The following SNX29 variants were observed in gnomAD, a reference collection of about 807,000 sequenced individuals.
The protein encoded by SNX29 is sorting nexin 29.
In SNX29, 78 loss-of-function variants were observed where a neutral mutation model predicts 102.1. That is an observed-to-expected ratio of 0.76 (90% CI 0.64 to 0.92). The LOEUF (loss-of-function observed/expected upper bound fraction) is 0.92. Ranked by LOEUF, SNX29 falls within the 40% of genes least tolerant of loss-of-function variation. SNX29 has a pLI of 0.00. For synonymous variants in SNX29, 580 were observed against 414.5 expected, an observed-to-expected ratio of 1.40 and a Z score of -4.85; for missense variants, 1,280 against 1,061.7, an observed-to-expected ratio of 1.21 and a Z score of -2.86.
At chr16:12,540,743 C>T (rs2077296355) in intron 20 of SNX29, among the ~76,000 whole-genome samples, 1 of 152,198 alleles carries the variant, frequency 6.6e-6, no homozygotes, top group African/African-American at 2.4e-5. Context: ...ATCCTTGGGG[C>T]ACCATTGATC....
intron 14 of SNX29, among the ~76,000 whole-genome samples, chr16:12,200,518 T>C (rs931035877): frequency 6.6e-6 from 1 of 151,450 alleles, no homozygotes; most frequent in Non-Finnish European, 1.5e-5. Context: ...AGCCTCACTC[T>C]ACCGCCCAGG....
chr16:12,540,813 G>C (rs967860824), intron 20 of SNX29, among the ~76,000 whole-genome samples: 3 of 152,184 alleles, frequency 2.0e-5, no homozygotes, highest in Non-Finnish European at 2.9e-5. Flanking sequence ...TGAGGCATGA[G>C]AGAAGGGGCA....
At chr16:12,563,640 G>A (rs1216250995) in intron 20 of SNX29, among the ~76,000 whole-genome samples, 6 of 152,288 alleles carry the variant, frequency 3.9e-5, no homozygotes, top group African/African-American at 1.2e-4. Flanking sequence ...GGCCCCAGAA[G>A]GTAGGAACTG....
rs190315561 is a variant in SNX29, at chr16:12,462,931, C to T, written c.2038-14788C>T. Among the ~76,000 whole-genome samples, 9 of 152,316 alleles carry T rather than the reference C, an allele frequency of 5.9e-5. No individual in the cohort carries two copies. The South Asian group carries it at 1.9e-3, about 32-fold the overall frequency. ...GATGAAGTCATACTTCCTTTTACAT[C>T]CCCCTGCTATGATCGCTGGATCCCC... is the stretch of plus-strand genomic sequence containing the variant. On this transcript the variant is annotated intron_variant, in intron 18 of 20. Coordinates refer to ENST00000566228, the MANE Select transcript of SNX29 (RefSeq NM_032167.5).
At chr16:12,006,448 G>A (rs1331048805) in intron 3 of SNX29, among the ~76,000 whole-genome samples, 5 of 151,140 alleles carry the variant, frequency 3.3e-5, no homozygotes, top group African/African-American at 9.7e-5. Context: ...CCCAGGAGGC[G>A]GAGGTTTTGG....
intron 19 of SNX29, among the ~76,000 whole-genome samples, chr16:12,484,357 T>C (rs1370810757): frequency 6.6e-6 from 1 of 152,214 alleles, no homozygotes; most frequent in Admixed American, 6.5e-5. Flanking sequence ...CACCGCAGTG[T>C]GGACACCTGC....
intron 20 of SNX29, among the ~76,000 whole-genome samples, chr16:12,545,788 A>C (rs931746265): frequency 6.6e-5 from 10 of 151,982 alleles, no homozygotes; most frequent in African/African-American, 2.4e-4. Context: ...ACCTTTCACC[A>C]CTAGGCATAC....
intron 19 of SNX29, among the ~76,000 whole-genome samples, chr16:12,516,098 C>G (rs2089853211): frequency 6.6e-6 from 1 of 152,162 alleles, no homozygotes; most frequent in Admixed American, 6.5e-5. Context: ...CAGCCGATGG[C>G]TCTCGTCTAA....
At chr16:12,518,010 G>A (rs1018082407) in intron 19 of SNX29, among the ~76,000 whole-genome samples, 1 of 152,258 alleles carries the variant, frequency 6.6e-6, no homozygotes, top group African/African-American at 2.4e-5. Flanking sequence ...GGAGGTACTG[G>A]GGAGAAGGTG....
rs56358290 is a variant in SNX29 at position 12,355,843 on chromosome 16, TAAAAAAAAAAAAAAA to T, written c.1783-301_1783-287del. ...TGACCTTGACAGAGCGAGATCTTAT[TAAAAAAAAAAAAAAA>T]AAAAAAAAAAAAAAAAAAGAGAGAG... On this transcript the variant is annotated intron_variant, in intron 15 of 20. Transcript: ENST00000566228. Among the ~76,000 whole-genome samples, 26 of 85,572 alleles carry T rather than the reference TAAAAAAAAAAAAAAA, an allele frequency of 3.0e-4. No individual in the cohort carries two copies. The South Asian group carries it at 7.5e-3, about 25-fold the overall frequency. 56.1% of individuals were successfully genotyped at this position (85,572 alleles called of 152,430 possible).
chr16:12,572,594 T>A lies in SNX29; in HGVS notation c.*3965T>A. The A allele has an allele frequency of 2.8e-6, 3 of 1,064,210 alleles. No homozygotes were observed. Among genetic ancestry groups the A allele is most frequent in the Non-Finnish European group, 3.4e-6 (3 of 878,532 alleles). 65.9% of individuals were successfully genotyped at this position (1,064,210 alleles called of 1,614,324 possible). ...CCAGCCATGTTCTCTGGGCTCCCAG[T>A]GAGCCCCCTCCCCTCCGGCTACCCC... On this transcript the variant is annotated 3_prime_UTR_variant, in exon 21 of 21. Coordinates refer to ENST00000566228, the MANE Select transcript of SNX29 (RefSeq NM_032167.5).
chr16:12,502,501 C>T (rs149719196), intron 19 of SNX29, among the ~76,000 whole-genome samples: 1 of 151,954 alleles, frequency 6.6e-6, no homozygotes, highest in Non-Finnish European at 1.5e-5. Context: ...TGAATGCCAC[C>T]CCCCAACTCT....
intron 4 of SNX29, among the ~76,000 whole-genome samples, chr16:12,033,003 C>T (rs574692946): frequency 6.6e-5 from 10 of 151,850 alleles, no homozygotes; most frequent in East Asian, 3.9e-4. Flanking sequence ...TACAGGCGTG[C>T]GCCACCATGC....
At chr16:11,980,123 T>C (rs1010201102) in intron 1 of SNX29, among the ~76,000 whole-genome samples, 13 of 152,184 alleles carry the variant, frequency 8.5e-5, no homozygotes, top group Non-Finnish European at 1.5e-4. Context: ...CACAACATTT[T>C]AATTACCTTA....
chr16:12,159,694 T>C (rs1412087091), intron 13 of SNX29, among the ~76,000 whole-genome samples: 1 of 152,166 alleles, frequency 6.6e-6, no homozygotes, highest in Non-Finnish European at 1.5e-5. Context: ...ACCCTGTCTC[T>C]ATTAAAAATA....
At chr16:12,434,806 A>G (rs2085463606) in intron 18 of SNX29, among the ~76,000 whole-genome samples, 1 of 151,988 alleles carries the variant, frequency 6.6e-6, no homozygotes, top group African/African-American at 2.4e-5. Context: ...GAAAGGCTAG[A>G]ACGGGGGGAT....
At chr16:12,133,093 G>C (rs1420087698) in intron 13 of SNX29, among the ~76,000 whole-genome samples, 1 of 152,104 alleles carries the variant, frequency 6.6e-6, no homozygotes, top group Non-Finnish European at 1.5e-5. Flanking sequence ...CATTGCGCCG[G>C]CGCCATGCTT....
chr16:12,338,996 C>T (rs1021424227), intron 15 of SNX29, among the ~76,000 whole-genome samples: 2 of 152,058 alleles, frequency 1.3e-5, no homozygotes, highest in African/African-American at 2.4e-5. Context: ...CACCTGTGGC[C>T]GTCATGGGCT....
At chr16:12,566,348 G>T (rs148327256) in intron 20 of SNX29, among the ~76,000 whole-genome samples, 2 of 152,144 alleles carry the variant, frequency 1.3e-5, no homozygotes, top group Admixed American at 6.5e-5. Flanking sequence ...TCACCCCACC[G>T]ACTGCTACCT....
Sources: allele counts gnomAD v4.1 joint callset (sites outside exome capture counted in the v4.1 genomes callset), GRCh38; gene constraint gnomAD v4.1.1; transcripts MANE v1.5; gene names NCBI Gene and HGNC (gene_info 2026-07-23, HGNC 2026-07-21).